The following PDZD2 variants were observed in gnomAD, a reference collection of about 807,000 sequenced individuals.
PDZD2 encodes PDZ domain containing 2, also known as PDZ domain-containing protein 2.
PDZD2 carries 90 observed loss-of-function variants against 220.7 expected under a neutral mutation model. The observed-to-expected ratio is 0.41, with a 90% CI of 0.34 to 0.49. The LOEUF (loss-of-function observed/expected upper bound fraction) is 0.49, where lower values mean the gene tolerates loss of function less well. Ranked by LOEUF, PDZD2 falls within the 20% of genes least tolerant of loss-of-function variation. The pLI, the probability that PDZD2 is intolerant of heterozygous loss-of-function variation, is 0.28. For synonymous variants in PDZD2, 1,375 were observed against 1,450.5 expected (o/e 0.95, Z 1.18); for missense variants, 3,174 against 3,608.5 (o/e 0.88, Z 3.08).
In PDZD2 at chr5:32,088,041, T is replaced by A. The variant is rs113621506; in HGVS notation, c.4593T>A (p.His1531Gln). 6.2e-7 allele frequency: 1 copy of A among 1,614,070 alleles called. No individual in the cohort carries two copies. The highest frequency in any genetic ancestry group is 1.7e-5 in the Admixed American group (1 of 60,012). ...SNYSRNFSSF[H>Q]EDSTSLSGLG... The stretch of plus-strand genomic sequence containing the variant: ...ACTCTAGAAATTTTAGCAGTTTTCA[T>A]GAAGACAGCACCTCCCTATCAGGCC... Residue 1531 changes from histidine (H) to glutamine (Q), a missense_variant, in exon 20 of 25, where the codon CAT (histidine) becomes CAA (glutamine). Physicochemically the swap from His to Gln is conservative, Grantham distance 24 (BLOSUM62 0). Around this residue, in one of 4 missense-constraint regions of PDZD2, gnomAD observed 1,861 missense variants for 2,001.0 expected, o/e 0.93. Transcript: ENST00000438447. The surrounding 1 kb of genome is among the most constrained non-coding windows in gnomAD (Gnocchi z 4.6).
intron 2 of PDZD2, among the ~76,000 whole-genome samples, chr5:31,982,304 T>G (rs921212414): frequency 6.6e-6 from 1 of 152,098 alleles, no homozygotes; most frequent in South Asian, 2.1e-4. Flanking sequence ...CAGTTGCCTG[T>G]TTGTTTTGTT....
chr5:31,899,019 G>T (rs1210989979), intron 2 of PDZD2, among the ~76,000 whole-genome samples: 1 of 151,756 alleles, frequency 6.6e-6, no homozygotes, highest in Non-Finnish European at 1.5e-5. Context: ...AGTATAGACG[G>T]GGTTTCACCA....
intron 2 of PDZD2, among the ~76,000 whole-genome samples, chr5:31,936,574 A>G (rs1479886666): frequency 6.6e-6 from 1 of 152,128 alleles, no homozygotes; most frequent in African/African-American, 2.4e-5. Context: ...TTTAAAAAAA[A>G]AAAAAGAAAA....
At chr5:31,921,981 C>A (rs952939) in intron 2 of PDZD2, among the ~76,000 whole-genome samples, 16 of 151,958 alleles carry the variant, frequency 1.1e-4, no homozygotes, top group African/African-American at 3.9e-4. Context: ...GGCCAGCCAG[C>A]CACATTCTTG....
chr5:31,934,695 G>A (rs1435527684), intron 2 of PDZD2, among the ~76,000 whole-genome samples: 2 of 147,466 alleles, frequency 1.4e-5, no homozygotes, highest in Non-Finnish European at 3.0e-5. Flanking sequence ...TTTCAAAAAT[G>A]TCTCACTGTG....
rs199851903 is a variant in PDZD2, at chr5:32,000,265, C to T, written c.1248C>T (p.Ala416=). ...CGGGAATGGTGCAGCTTGTGGTGGC[C>T]AGCAAGGTAGGTCGTGTTTGTTTTT... ...SATGMVQLVV[A]SKENSAEDLL... Residue 416 remains alanine (A), a synonymous_variant, in exon 5 of 25, where the codon GCC becomes GCT. Coordinates refer to ENST00000438447, the MANE Select transcript of PDZD2 (RefSeq NM_178140.4). This position sits in a 1 kb window ranked among gnomAD's most constrained non-coding sequence, Gnocchi z 4.5. The T allele has an allele frequency of 5.6e-6, 9 of 1,614,172 alleles. No homozygotes were observed. In the East Asian group the frequency reaches 2.0e-4, roughly 36 times the overall value.
chr5:31,926,221 TAAAAAA>T (rs201595332), intron 2 of PDZD2, among the ~76,000 whole-genome samples: 1 of 143,708 alleles, frequency 7.0e-6, no homozygotes, highest in Admixed American at 7.0e-5. Context: ...CCCTGTCACT[TAAAAAA>T]AAAAAAAAAT....
At chr5:32,041,705 G>A (rs1402475914) in intron 7 of PDZD2, among the ~76,000 whole-genome samples, 2 of 151,748 alleles carry the variant, frequency 1.3e-5, no homozygotes, top group South Asian at 2.1e-4. Flanking sequence ...CAAACACTGC[G>A]GAAGGCCACA....
At chr5:31,797,449 TCTGGGATTACACACGC>T (rs1754114623) in intron 1 of PDZD2, among the ~76,000 whole-genome samples, 1 of 151,960 alleles carries the variant, frequency 6.6e-6, no homozygotes, top group Admixed American at 6.6e-5. Context: ...TGAAACCCTG[TCTGGGATTACACACGC>T]CTGGGATTAC....
intron 2 of PDZD2, chr5:31,848,201 T>C: frequency 4.8e-6 from 1 of 209,700 alleles, no homozygotes; most frequent in East Asian, 1.1e-4. Flanking sequence ...GACAATCAAC[T>C]TATTTACTAA....
chr5:31,947,654 T>A (rs961257461), intron 2 of PDZD2, among the ~76,000 whole-genome samples: 8 of 152,116 alleles, frequency 5.3e-5, no homozygotes, highest in East Asian at 1.9e-4. Context: ...AAAAATTTTT[T>A]AAAAATGCAA....
chr5:31,840,768 T>TG lies in PDZD2; in HGVS notation c.476+41048dup. On this transcript the variant is annotated intron_variant, in intron 2 of 24. Transcript: ENST00000438447. ...GTTTACAACAATGCCAACAGCATGC[T>TG]GGGGAACATTGTAGACTCTTCCCGT... is the stretch of plus-strand genomic sequence containing the variant. 6 of 808,170 alleles carry TG rather than the reference T, an allele frequency of 7.4e-6. No individual in the cohort carries two copies. In the Middle Eastern group the frequency reaches 7.0e-4, roughly 95 times the overall value. The allele number at this position is 808,170 out of a possible 1,614,324, so 50.1% of individuals were successfully genotyped here.
At chr5:31,918,152 A>C (rs1374342980) in intron 2 of PDZD2, among the ~76,000 whole-genome samples, 3 of 152,184 alleles carry the variant, frequency 2.0e-5, no homozygotes, top group African/African-American at 7.2e-5. Context: ...ACTCACTATC[A>C]TGAGAAGAGC....
chr5:32,003,077 A>G (rs1323379160), intron 5 of PDZD2, among the ~76,000 whole-genome samples: 1 of 118,220 alleles, frequency 8.5e-6, no homozygotes, highest in African/African-American at 3.5e-5. Flanking sequence ...ACACACCCAC[A>G]CACCAACATA....
At chr5:32,043,611 T>C (rs568484286) in intron 7 of PDZD2, among the ~76,000 whole-genome samples, 5 of 152,364 alleles carry the variant, frequency 3.3e-5, no homozygotes, top group Admixed American at 6.5e-5. Context: ...GCCACTGTTA[T>C]TACCACTGTC....
intron 2 of PDZD2, among the ~76,000 whole-genome samples, chr5:31,979,932 A>C (rs1344320940): frequency 6.6e-6 from 1 of 152,212 alleles, no homozygotes; most frequent in Non-Finnish European, 1.5e-5. Context: ...GACCGTTCTT[A>C]GGTAAATAGT....
At position 31,840,421 on chromosome 5, in the gene PDZD2, TATATATATATATATATATATA is replaced by T. The variant is rs1757211173; in HGVS notation, c.476+40698_476+40718del. 3.3e-5 allele frequency: 4 copies of T among 121,178 alleles called. 1 individual carries two copies. Among genetic ancestry groups the T allele is most frequent in the Non-Finnish European group, 5.2e-5 (3 of 57,500 alleles). 7.5% of individuals were successfully genotyped at this position (121,178 alleles called of 1,614,324 possible). ...TTATATATATATATATATATATATA[TATATATATATATATATATATA>T]TATATATTTGTTTATAGTCCAGAGG... On this transcript the variant is annotated intron_variant, in intron 2 of 24. Transcript: ENST00000438447.
In PDZD2 at chr5:32,014,706, C is replaced by CTTTTTTTTTTTT. The variant is rs556276502; in HGVS notation, c.1407+4241_1407+4252dup. Reference sequence around the variant, plus strand: ...ATTTTCTGCTCTGCAATGACAATTTCTTTTTTTTTTTTTTTTTTTTTTTTT... The same window carrying CTTTTTTTTTTTT: ...ATTTTCTGCTCTGCAATGACAATTTCTTTTTTTTTTTTTTTTTTTTTTTTTTTTTTTTTTTTT... On this transcript the variant is annotated intron_variant, in intron 6 of 24. Coordinates refer to ENST00000438447, the MANE Select transcript of PDZD2 (RefSeq NM_178140.4). Among the ~76,000 whole-genome samples the CTTTTTTTTTTTT allele has an allele frequency of 1.5e-3, 140 of 95,420 alleles. 31 individuals carry two copies. The highest frequency in any genetic ancestry group is 5.7e-3 in the African/African-American group (131 of 22,898). 62.6% of individuals were successfully genotyped at this position (95,420 alleles called of 152,430 possible). A position where few individuals can be genotyped will look rare whatever the true frequency, so the allele number is the denominator to read the frequency against.
chr5:31,712,508 A>G (rs1004032138), intron 1 of PDZD2, among the ~76,000 whole-genome samples: 1 of 151,068 alleles, frequency 6.6e-6, no homozygotes, highest in African/African-American at 2.4e-5. Context: ...CCCTATAGTC[A>G]CAGGGCCTCT....
Sources: gnomAD v4.1 joint callset for allele counts (sites outside exome capture counted in the v4.1 genomes callset) on GRCh38, gnomAD v4.1.1 for gene constraint, gnomAD v4.1.1 regional missense constraint, Gnocchi (gnomAD v3.1) non-coding constraint, MANE v1.5 for transcripts, NCBI Gene and HGNC (gene_info 2026-07-23, HGNC 2026-07-21) for gene names.